The following NEO1 variants were observed in gnomAD, a reference collection of about 807,000 sequenced individuals.
The protein encoded by NEO1 is neogenin 1.
NEO1 carries 63 observed loss-of-function variants against 159.7 expected under a neutral mutation model. The observed-to-expected ratio is 0.39, with a 90% CI of 0.32 to 0.49. The LOEUF (loss-of-function observed/expected upper bound fraction) is 0.49, where lower values mean the gene tolerates loss of function less well. Among genes scored for constraint, NEO1 ranks in the 20% least tolerant of loss-of-function variants. The pLI is 0.85. For missense variants in NEO1, 1,615 were observed against 1,831.0 expected (o/e 0.88, Z 2.15); for synonymous variants, 633 against 662.0 (o/e 0.96, Z 0.67).
chr15:73,211,600 A>G (rs897725362), intron 7 of NEO1, among the ~76,000 whole-genome samples: 4 of 152,206 alleles, frequency 2.6e-5, no homozygotes, highest in Non-Finnish European at 5.9e-5. Flanking sequence ...GTGTATTCCC[A>G]GCTACTCGGG....
chr15:73,138,945 A>G (rs1450568194), intron 5 of NEO1, among the ~76,000 whole-genome samples: 1 of 152,140 alleles, frequency 6.6e-6, no homozygotes, highest in Non-Finnish European at 1.5e-5. Flanking sequence ...GCTTATAAAA[A>G]GCTGTGCATT....
intron 22 of NEO1, 142 bp downstream of exon 22, chr15:73,278,341 T>A: frequency 6.3e-6 from 4 of 634,706 alleles, no homozygotes; most frequent in Non-Finnish European, 1.1e-5. Flanking sequence ...TTTAAGTGTT[T>A]GCCAAATCAC....
At chr15:73,093,878 C>CG (rs1467749255) in intron 1 of NEO1, among the ~76,000 whole-genome samples, 1 of 152,094 alleles carries the variant, frequency 6.6e-6, no homozygotes, top group East Asian at 1.9e-4. Context: ...TGTGCCTGGC[C>CG]GGAAGCTCCT....
chr15:73,230,878 C>T (rs1172795792), intron 7 of NEO1, among the ~76,000 whole-genome samples: 1 of 152,064 alleles, frequency 6.6e-6, no homozygotes, highest in South Asian at 2.1e-4. Context: ...TAGGCATAAG[C>T]CACCATGCCT....
intron 2 of NEO1, among the ~76,000 whole-genome samples, chr15:73,119,324 C>G (rs943028167): frequency 6.6e-6 from 1 of 152,130 alleles, no homozygotes; most frequent in African/African-American, 2.4e-5. Context: ...ATCTAAAAGA[C>G]TTAGAGTTTT....
chr15:73,149,312 T>TA (rs11370260), intron 5 of NEO1, among the ~76,000 whole-genome samples: 17,374 of 137,450 alleles, frequency 0.13, 1,317 homozygotes, highest in African/African-American at 0.23. Flanking sequence ...AGACTCGGTC[T>TA]AAAAAAAAAA....
At chr15:73,128,636 A>T (rs1236229552) in intron 4 of NEO1, among the ~76,000 whole-genome samples, 4 of 152,152 alleles carry the variant, frequency 2.6e-5, no homozygotes, top group African/African-American at 4.8e-5. Flanking sequence ...GTAAAAATTT[A>T]AAAATGTCAG....
chr15:73,232,554 G>C (rs888151971), intron 7 of NEO1, among the ~76,000 whole-genome samples: 7 of 152,190 alleles, frequency 4.6e-5, no homozygotes, highest in African/African-American at 1.7e-4. Flanking sequence ...ACACACACAG[G>C]TTTCATCTGC....
At chr15:73,052,431 G>T, upstream of NEO1, 1 of 6,442 alleles carries the variant, frequency 1.6e-4, no homozygotes, top group African/African-American at 5.5e-4. Flanking sequence ...CCCCCGCCCC[G>T]GAATGTACTG....
At chr15:73,256,321 G>A (rs1319106095) in intron 13 of NEO1, among the ~76,000 whole-genome samples, 1 of 151,892 alleles carries the variant, frequency 6.6e-6, no homozygotes, top group Non-Finnish European at 1.5e-5. Context: ...CCAACATGGT[G>A]AAACCCCGTC....
chr15:73,234,012 C>T (rs887866273), intron 7 of NEO1, among the ~76,000 whole-genome samples: 8 of 152,138 alleles, frequency 5.3e-5, no homozygotes, highest in Admixed American at 2.0e-4. Context: ...TCTTTGTACT[C>T]GAAGTCCTGG....
At chr15:73,131,634 C>G (rs2031146195) in intron 4 of NEO1, among the ~76,000 whole-genome samples, 1 of 152,220 alleles carries the variant, frequency 6.6e-6, no homozygotes, top group African/African-American at 2.4e-5. Context: ...TACTTGTACT[C>G]TGGCCTCATT....
chr15:73,263,875 A>G (rs978029647), intron 15 of NEO1, among the ~76,000 whole-genome samples: 4 of 152,200 alleles, frequency 2.6e-5, no homozygotes, highest in Non-Finnish European at 5.9e-5. Flanking sequence ...TAGCAAAAGG[A>G]AAGCTTTGCT....
intron 5 of NEO1, among the ~76,000 whole-genome samples, chr15:73,137,895 C>G (rs1467749440): frequency 6.6e-6 from 1 of 152,068 alleles, no homozygotes; most frequent in Non-Finnish European, 1.5e-5. Context: ...AAAGATAACA[C>G]ATGGAGTAAA....
intron 13 of NEO1, among the ~76,000 whole-genome samples, chr15:73,257,845 C>T (rs1156338539): frequency 2.0e-5 from 3 of 152,166 alleles, no homozygotes; most frequent in African/African-American, 4.8e-5. Context: ...TCCAGATTAT[C>T]GTCTGTCAAC....
At chr15:73,242,875 G>A (rs1348650273) in intron 8 of NEO1, among the ~76,000 whole-genome samples, 1 of 152,166 alleles carries the variant, frequency 6.6e-6, no homozygotes, top group Admixed American at 6.5e-5. Flanking sequence ...GGCGCACTCG[G>A]TGTAACTTCT....
intron 1 of NEO1, among the ~76,000 whole-genome samples, chr15:73,065,360 A>G (rs1218167449): frequency 6.6e-6 from 1 of 151,790 alleles, no homozygotes; most frequent in Non-Finnish European, 1.5e-5. Context: ...TGCCTGGAGA[A>G]TATAATTTAG....
chr15:73,271,099 A>C (rs1418644269), intron 18 of NEO1, among the ~76,000 whole-genome samples: 1 of 152,200 alleles, frequency 6.6e-6, no homozygotes, highest in African/African-American at 2.4e-5. Flanking sequence ...TGGAGTTATA[A>C]ATTCTCCACA....
chr15:73,229,581 C>G (rs1441381970), intron 7 of NEO1, among the ~76,000 whole-genome samples: 3 of 151,796 alleles, frequency 2.0e-5, no homozygotes, highest in African/African-American at 7.3e-5. Context: ...CCATTTTGCA[C>G]TTGCTAGGAC....
Sources: allele counts gnomAD v4.1 joint callset (sites outside exome capture counted in the v4.1 genomes callset), GRCh38; gene constraint gnomAD v4.1.1; transcripts MANE v1.5; gene names NCBI Gene and HGNC (gene_info 2026-07-23, HGNC 2026-07-21).